GALNT17: variants seen among roughly 807,000 people sequenced by gnomAD.
GALNT17 encodes the protein polypeptide N-acetylgalactosaminyltransferase 17.
A neutral mutation model predicts 63.7 loss-of-function variants in GALNT17; 29 were observed. The ratio of observed to expected loss-of-function variants is 0.46; its 90% CI spans 0.34 to 0.62. GALNT17 has a LOEUF of 0.62. GALNT17 is among the 20% of genes least tolerant of loss of function. The probability of loss-of-function intolerance (pLI) is 0.01; values close to 1 mark genes in which losing one functional copy is unlikely to be tolerated. For missense variants in GALNT17, 603 were observed against 799.6 expected, an observed-to-expected ratio of 0.75 and a Z score of 2.97; for synonymous variants, 305 against 318.3, an observed-to-expected ratio of 0.96 and a Z score of 0.45.
At chr7:71,338,109 C>A (rs982369013) in intron 2 of GALNT17, among the ~76,000 whole-genome samples, 3 of 151,810 alleles carry the variant, frequency 2.0e-5, no homozygotes, top group African/African-American at 7.3e-5. Context: ...GGGCGGATCA[C>A]GAGATCAGGA....
chr7:71,166,023 G>A lies in GALNT17; in HGVS notation c.238+32983G>A, dbSNP rs184011261. The stretch of plus-strand genomic sequence containing the variant: ...CCTCTGTAAATGGGTCATGTACCAC[G>A]CAATGCATAAGTATTCAGAAAGGTG... On this transcript the variant is annotated intron_variant, in intron 1 of 10. Coordinates refer to ENST00000333538, the MANE Select transcript of GALNT17 (RefSeq NM_022479.3). 4.3e-4 allele frequency among the ~76,000 whole-genome samples: 65 copies of A among 152,050 alleles called. 1 individual carries two copies. Among genetic ancestry groups the A allele is most frequent in the African/African-American group, 8.2e-4 (34 of 41,452 alleles).
At chr7:71,200,517 G>A (rs1169776206) in intron 1 of GALNT17, among the ~76,000 whole-genome samples, 2 of 152,286 alleles carry the variant, frequency 1.3e-5, no homozygotes, top group East Asian at 1.9e-4. Context: ...ATCACTCTCT[G>A]TGTCCCTTCA....
chr7:71,403,252 A>G lies in GALNT17; in HGVS notation c.590-12637A>G, dbSNP rs1193910705. On this transcript the variant is annotated intron_variant, in intron 3 of 10. Coordinates refer to ENST00000333538, the MANE Select transcript of GALNT17 (RefSeq NM_022479.3). Reference sequence around the variant, plus strand: ...ACAGAAAGTTGCAAAGATGAACAGGAAATTCCATGTAGCCTTCGCTCAGTT... The same window carrying G: ...ACAGAAAGTTGCAAAGATGAACAGGGAATTCCATGTAGCCTTCGCTCAGTT... Among the ~76,000 whole-genome samples the G allele has an allele frequency of 2.0e-5, 3 of 152,238 alleles. No homozygotes were observed. In the East Asian group the frequency reaches 5.8e-4, roughly 29 times the overall value.
At chr7:71,411,133 T>C (rs1793422292) in intron 3 of GALNT17, among the ~76,000 whole-genome samples, 1 of 151,964 alleles carries the variant, frequency 6.6e-6, no homozygotes, top group Admixed American at 6.6e-5. Flanking sequence ...TCTTTTTTTT[T>C]CTTTTTTGAG....
intron 1 of GALNT17, among the ~76,000 whole-genome samples, chr7:71,276,375 A>G (rs983502543): frequency 6.6e-6 from 1 of 152,224 alleles, no homozygotes; most frequent in African/African-American, 2.4e-5. Context: ...GTATTGTGCC[A>G]TTCACAATAG....
At chr7:71,681,588 C>T (rs1416807322) in intron 9 of GALNT17, among the ~76,000 whole-genome samples, 5 of 152,166 alleles carry the variant, frequency 3.3e-5, no homozygotes, top group Admixed American at 3.3e-4. Flanking sequence ...TAGGGCAGTC[C>T]CACTCCTGGG....
chr7:71,442,178 A>G (rs1787079086), intron 5 of GALNT17, among the ~76,000 whole-genome samples: 1 of 151,954 alleles, frequency 6.6e-6, no homozygotes, highest in South Asian at 2.1e-4. Flanking sequence ...TAGCCATTCA[A>G]GCCTGCAGAA....
chr7:71,184,289 G>A (rs945294566), intron 1 of GALNT17, among the ~76,000 whole-genome samples: 3 of 152,088 alleles, frequency 2.0e-5, no homozygotes, highest in Admixed American at 6.5e-5. Context: ...ATTACTCCAC[G>A]GCAGCCCTAG....
intron 1 of GALNT17, among the ~76,000 whole-genome samples, chr7:71,327,466 T>C (rs1031870316): frequency 4.6e-5 from 7 of 152,128 alleles, no homozygotes; most frequent in Non-Finnish European, 8.8e-5. Context: ...GATTCAGTTA[T>C]CTCCCACTGG....
At chr7:71,206,197 T>C (rs945520025) in intron 1 of GALNT17, among the ~76,000 whole-genome samples, 1 of 150,832 alleles carries the variant, frequency 6.6e-6, no homozygotes, top group Non-Finnish European at 1.5e-5. Context: ...ACACACCAAG[T>C]GGTTATCTTG....
chr7:71,615,063 G>A (rs953748221), intron 6 of GALNT17, among the ~76,000 whole-genome samples: 7 of 152,274 alleles, frequency 4.6e-5, no homozygotes, highest in African/African-American at 1.7e-4. Context: ...CAAGACCAGC[G>A]TGATTGGCAA....
At chr7:71,491,976 C>T (rs145661747) in intron 5 of GALNT17, among the ~76,000 whole-genome samples, 1 of 152,038 alleles carries the variant, frequency 6.6e-6, no homozygotes, top group African/African-American at 2.4e-5. Context: ...GGTAACATGG[C>T]GAGAGTCCAT....
intron 1 of GALNT17, among the ~76,000 whole-genome samples, chr7:71,296,460 C>T (rs941156928): frequency 1.3e-5 from 2 of 151,862 alleles, no homozygotes; most frequent in African/African-American, 4.8e-5. Flanking sequence ...ACTAAAAATA[C>T]AAAAATTAGC....
intron 1 of GALNT17, among the ~76,000 whole-genome samples, chr7:71,261,548 G>A (rs947701806): frequency 3.3e-5 from 5 of 152,204 alleles, no homozygotes; most frequent in African/African-American, 9.6e-5. Flanking sequence ...CTCCAAACTG[G>A]AAGAGACACT....
chr7:71,433,337 C>A (rs1385381369), intron 5 of GALNT17, among the ~76,000 whole-genome samples: 3 of 152,196 alleles, frequency 2.0e-5, no homozygotes, highest in African/African-American at 7.2e-5. Flanking sequence ...TTACCCACTA[C>A]TAGGGGTCAC....
At chr7:71,539,949 C>G (rs1452916655) in intron 5 of GALNT17, among the ~76,000 whole-genome samples, 1 of 151,396 alleles carries the variant, frequency 6.6e-6, no homozygotes, top group Non-Finnish European at 1.5e-5. Flanking sequence ...AGCCACCACT[C>G]CTGGCTAATT....
At chr7:71,154,427 G>A (rs1257943611) in intron 1 of GALNT17, among the ~76,000 whole-genome samples, 1 of 152,146 alleles carries the variant, frequency 6.6e-6, no homozygotes, top group Non-Finnish European at 1.5e-5. Flanking sequence ...AATAAGTACA[G>A]TCATTGTTTT....
chr7:71,528,657 T>A (rs1788665319), intron 5 of GALNT17, among the ~76,000 whole-genome samples: 1 of 152,106 alleles, frequency 6.6e-6, no homozygotes, highest in African/African-American at 2.4e-5. Context: ...ATCACATTCA[T>A]CATATCCAGT....
At chr7:71,552,631 A>G (rs10235508) in intron 5 of GALNT17, among the ~76,000 whole-genome samples, 47,679 of 151,272 alleles carry the variant, frequency 0.32, 7,645 homozygotes, top group Admixed American at 0.34. Context: ...TAGTAGAGAC[A>G]GGGTTTCACC....
Sources: allele counts gnomAD v4.1 joint callset (sites outside exome capture counted in the v4.1 genomes callset), GRCh38; gene constraint gnomAD v4.1.1; transcripts MANE v1.5; gene names NCBI Gene and HGNC (gene_info 2026-07-23, HGNC 2026-07-21).